Variants in AFDN observed in about 807,000 individuals in gnomAD.
AFDN encodes afadin.
Under a neutral mutation model 216.6 loss-of-function variants are expected in AFDN, and 68 were observed. The observed-to-expected ratio is 0.31, with a 90% confidence interval of 0.26 to 0.38. AFDN has a LOEUF of 0.38. Among genes scored for constraint, AFDN ranks in the 10% least tolerant of loss-of-function variants. The pLI, the probability that AFDN is intolerant of heterozygous loss-of-function variation, is 1.00. For synonymous variants in AFDN, 868 were observed against 853.7 expected (o/e 1.02, Z -0.29); for missense variants, 2,136 against 2,342.0 (o/e 0.91, Z 1.82).
At chr6:167,835,058 T>C (rs1480529800) in intron 1 of AFDN, among the ~76,000 whole-genome samples, 1 of 152,234 alleles carries the variant, frequency 6.6e-6, no homozygotes, top group Non-Finnish European at 1.5e-5. Flanking sequence ...TCTTCCCTCT[T>C]GTTGATTATT....
Position 167,907,203 on chromosome 6 carries a change from G to A in AFDN, c.1683G>A (p.Ser561=), listed in dbSNP as rs144371028. 24 of 1,614,024 alleles carry A rather than the reference G, an allele frequency of 1.5e-5. No individual in the cohort carries two copies. Among genetic ancestry groups the A allele is most frequent in the African/African-American group, 6.7e-5 (5 of 74,922 alleles). The change falls in exon 13 of 34, where the codon TCG becomes TCA. Residue 561 remains serine (S), a synonymous_variant. Coordinates refer to ENST00000683244, the MANE Select transcript of AFDN (RefSeq NM_001386888.1). ...CTAGGCTGGACAGCGACAGAGTGTC[G>A]TCTGCCTCTAGCACAGCCGAGCGGG... ...STTRLDSDRV[S]SASSTAERGM...
chr6:167,915,332 TG>T lies in AFDN; in HGVS notation c.2468del (p.Gly823ValfsTer28). 1.2e-6 allele frequency: 2 copies of T among 1,614,218 alleles called. No individual in the cohort carries two copies. The highest frequency in any genetic ancestry group is 1.7e-6 in the Non-Finnish European group (2 of 1,180,036). On this transcript the variant is annotated frameshift_variant, in exon 19 of 34. Transcript: ENST00000683244. LOFTEE classifies it high-confidence loss of function. ...DPDSGLCSHY[W>X]GAIIRQQLGH... ...AGATTCGGGGCTGTGCTCCCATTAC[TG>T]GGGTGCGATTATCCGTCAGCAGTTG...
chr6:167,899,223 T>G (rs773790772), intron 11 of AFDN, among the ~76,000 whole-genome samples: 1 of 152,116 alleles, frequency 6.6e-6, no homozygotes, highest in Non-Finnish European at 1.5e-5. Context: ...AATTAATGTC[T>G]TTCTCCAAGA....
chr6:167,971,528 T>G lies in AFDN; in HGVS notation c.*1593T>G, dbSNP rs1436024395. The G allele has an allele frequency of 5.1e-6, 1 of 195,350 alleles. No homozygotes were observed. The highest frequency in any genetic ancestry group is 6.1e-5 in the Admixed American group (1 of 16,430). 12.1% of individuals were successfully genotyped at this position (195,350 alleles called of 1,614,324 possible). ...AATGGTTCTGAGTGTTTAGGAAGGA[T>G]TTGCTTGCTTGCAGCAGAAGTTCTA... On this transcript the variant is annotated 3_prime_UTR_variant, in exon 34 of 34. Coordinates refer to ENST00000683244, the MANE Select transcript of AFDN (RefSeq NM_001386888.1).
At chr6:167,845,725 A>T (rs1781594097) in intron 1 of AFDN, among the ~76,000 whole-genome samples, 1 of 152,182 alleles carries the variant, frequency 6.6e-6, no homozygotes. Context: ...GGGGACTTGA[A>T]ATTTAACTAA....
At chr6:167,963,883 A>G in intron 31 of AFDN, 1 of 1,064,676 alleles carries the variant, frequency 9.4e-7, no homozygotes, top group Non-Finnish European at 1.1e-6. Flanking sequence ...CTGTTCCATG[A>G]AAGCGCTCCC....
At chr6:167,882,330 A>C (rs1421740799) in intron 6 of AFDN, among the ~76,000 whole-genome samples, 1 of 152,196 alleles carries the variant, frequency 6.6e-6, no homozygotes, top group Admixed American at 6.5e-5. Context: ...CAGACAAGAT[A>C]TTTAGATTAT....
intron 30 of AFDN, among the ~76,000 whole-genome samples, chr6:167,956,004 A>G (rs1273605089): frequency 1.3e-5 from 2 of 150,520 alleles, no homozygotes; most frequent in Non-Finnish European, 2.9e-5. Context: ...AATGCCAGCT[A>G]CTCAGGAGGC....
At chr6:167,861,514 A>G (rs1783570421) in intron 1 of AFDN, among the ~76,000 whole-genome samples, 1 of 152,142 alleles carries the variant, frequency 6.6e-6, no homozygotes, top group Admixed American at 6.5e-5. Context: ...CATTTTATGT[A>G]AGGTAAGTAG....
At chr6:167,899,501 T>G (rs956570166) in intron 11 of AFDN, among the ~76,000 whole-genome samples, 1 of 152,220 alleles carries the variant, frequency 6.6e-6, no homozygotes, top group Non-Finnish European at 1.5e-5. Context: ...GGTGATGTTT[T>G]TCATTGATCA....
At chr6:167,925,883 A>G (rs556762224) in intron 23 of AFDN, among the ~76,000 whole-genome samples, 4 of 152,226 alleles carry the variant, frequency 2.6e-5, no homozygotes, top group Non-Finnish European at 4.4e-5. Context: ...ATATTCAGTA[A>G]CTAATGTTTC....
rs1206854339 is a variant in AFDN, at chr6:167,835,024, G to T, written c.105+7787G>T. 2.0e-5 allele frequency among the ~76,000 whole-genome samples: 3 copies of T among 152,080 alleles called. No individual in the cohort carries two copies. The East Asian group carries it at 5.8e-4, about 29-fold the overall frequency. ...CATTTGTCTGCCTTGCACTTTGAAT[G>T]GTTCTTTTACTCACGTGTGATTTTC... On this transcript the variant is annotated intron_variant, in intron 1 of 33. Transcript: ENST00000683244.
chr6:167,893,949 T>TAGAA, intron 9 of AFDN, 43 bp downstream of exon 9: 1 of 1,411,944 alleles, frequency 7.1e-7, no homozygotes, highest in Non-Finnish European at 9.8e-7. Context: ...AAAGCACTAA[T>TAGAA]AGAACCTCAT....
chr6:167,882,211 T>TA (rs1370453480), intron 6 of AFDN, among the ~76,000 whole-genome samples: 1 of 151,136 alleles, frequency 6.6e-6, no homozygotes, highest in African/African-American at 2.4e-5. Context: ...CTCTTAGAAA[T>TA]AAAAAATATA....
At chr6:167,969,051 A>G (rs2128781627) in intron 32 of AFDN, 63 bp from the exon 33 acceptor site, 2 of 1,314,040 alleles carry the variant, frequency 1.5e-6, no homozygotes, top group Middle Eastern at 1.8e-4. Context: ...CTGCATCTTT[A>G]TCATGAGTAA....
chr6:167,838,427 C>A (rs1313137188), intron 1 of AFDN, among the ~76,000 whole-genome samples: 1 of 152,146 alleles, frequency 6.6e-6, no homozygotes, highest in Non-Finnish European at 1.5e-5. Flanking sequence ...TCTGTGCTTA[C>A]AATTAAACAA....
chr6:167,827,101 C>A lies in AFDN; in HGVS notation c.-32C>A. On this transcript the variant is annotated 5_prime_UTR_variant, in exon 1 of 34. Transcript: ENST00000683244. ...TCCTCGGCCCGTCCTCCGGCCCCGG[C>A]CCCGCGCGGCTGAGGAGGCGCGGCC... is the stretch of plus-strand genomic sequence containing the variant. 8.4e-7 allele frequency: 1 copy of A among 1,184,678 alleles called. No individual in the cohort carries two copies. Among genetic ancestry groups the A allele is most frequent in the South Asian group, 1.5e-5 (1 of 65,932 alleles). 73.4% of individuals were successfully genotyped at this position (1,184,678 alleles called of 1,614,324 possible). A position where few individuals can be genotyped will look rare whatever the true frequency, so the allele number is the denominator to read the frequency against.
Position 167,944,818 on chromosome 6 carries a change from C to T in AFDN, c.3358+759C>T, listed in dbSNP as rs977550748. Among the ~76,000 whole-genome samples the T allele has an allele frequency of 1.4e-4, 21 of 152,020 alleles. No individual in the cohort carries two copies. In the East Asian group the frequency reaches 3.9e-3, roughly 28 times the overall value. Reference sequence around the variant, plus strand: ...AAGTGGAAGAGTAACAATGCTAGACCCATAGAAGGCCACTTAACCCTGAGT... The same window carrying T: ...AAGTGGAAGAGTAACAATGCTAGACTCATAGAAGGCCACTTAACCCTGAGT... On this transcript the variant is annotated intron_variant, in intron 26 of 33. Transcript: ENST00000683244.
intron 5 of AFDN, among the ~76,000 whole-genome samples, chr6:167,878,073 T>G (rs1333655993): frequency 2.7e-5 from 4 of 145,512 alleles, no homozygotes; most frequent in Non-Finnish European, 6.1e-5. Context: ...ATTGTTATGG[T>G]TTTTTTTTTT....
Sources: gnomAD v4.1 joint callset for allele counts (sites outside exome capture counted in the v4.1 genomes callset) on GRCh38, gnomAD v4.1.1 for gene constraint, MANE v1.5 for transcripts, NCBI Gene and HGNC (gene_info 2026-07-23, HGNC 2026-07-21) for gene names.